Variants in COMMD5 observed in about 807,000 individuals in gnomAD.
The protein encoded by COMMD5 is COMM domain containing 5.
Under a neutral mutation model 6.9 loss-of-function variants are expected in COMMD5, and 10 were observed. The observed-to-expected ratio is 1.44, with a 90% CI of 0.89 to 2.45. The LOEUF (loss-of-function observed/expected upper bound fraction) is 2.45. Ranked by LOEUF, COMMD5 falls within the 30% of genes most tolerant of loss-of-function variation. The pLI is 0.00. For synonymous variants in COMMD5, 127 were observed against 125.3 expected (o/e 1.01, Z -0.09); for missense variants, 234 against 287.8 (o/e 0.81, Z 1.35).
At chr8:144,844,114 C>G (rs916382295) in intron 1 of COMMD5, among the ~76,000 whole-genome samples, 4 of 152,182 alleles carry the variant, frequency 2.6e-5, no homozygotes, top group Non-Finnish European at 5.9e-5. Flanking sequence ...CAGGGGCTTG[C>G]TGTGTGACCT....
At chr8:144,852,742 G>C (rs1007820171) in intron 1 of COMMD5, 97 bp downstream of exon 1, 6 of 152,238 alleles carry the variant, frequency 3.9e-5, no homozygotes, top group African/African-American at 1.4e-4. Flanking sequence ...CTCTGATGGG[G>C]GCGCGGCGTC....
At chr8:144,841,644 G>A in exon 2 of COMMD5, 1 of 1,614,216 alleles carries the variant, frequency 6.2e-7, no homozygotes, top group Non-Finnish European at 8.5e-7. Context: ...GCAGCGGCCT[G>A]GATTGTCAGC....
At chr8:144,853,094 C>A (rs1301385800), upstream of COMMD5, 1 of 152,264 alleles carries the variant, frequency 6.6e-6, no homozygotes, top group Non-Finnish European at 1.5e-5. Context: ...CAGCAATGAC[C>A]GCCCCACTGT....
chr8:144,840,828 C>G (rs377342627), downstream of COMMD5, among the ~76,000 whole-genome samples: 1 of 152,178 alleles, frequency 6.6e-6, no homozygotes, highest in African/African-American at 2.4e-5. Flanking sequence ...GAGAAGCCCA[C>G]CCCAGGGAGT....
intron 1 of COMMD5, chr8:144,843,349 G>T: frequency 2.9e-6 from 2 of 696,586 alleles, no homozygotes; most frequent in South Asian, 2.6e-5. Context: ...CAGCACTTTG[G>T]GAGGCCAAGG....
At chr8:144,842,163 C>G in intron 1 of COMMD5, 2 of 1,613,560 alleles carry the variant, frequency 1.2e-6, no homozygotes, top group South Asian at 2.2e-5. Context: ...TGGTTAGACA[C>G]CAGAGAACTC....
chr8:144,842,463 T>C, intron 1 of COMMD5: 2 of 1,613,982 alleles, frequency 1.2e-6, no homozygotes, highest in Admixed American at 1.7e-5. Context: ...CCTTTGGTTG[T>C]AGTTCACGGC....
chr8:144,845,857 G>A, downstream of COMMD5: 2 of 916,316 alleles, frequency 2.2e-6, no homozygotes, highest in South Asian at 1.6e-5. Flanking sequence ...TGGAGTATGT[G>A]TGCAGTGTCC....
At chr8:144,843,306 C>A in intron 1 of COMMD5, 2 of 1,135,634 alleles carry the variant, frequency 1.8e-6, no homozygotes, top group Non-Finnish European at 2.4e-6. Flanking sequence ...TATCCAACTT[C>A]AGGCCGAGTG....
At chr8:144,849,708 C>T (rs1256725617), downstream of COMMD5, among the ~76,000 whole-genome samples, 1 of 152,130 alleles carries the variant, frequency 6.6e-6, no homozygotes, top group African/African-American at 2.4e-5. Flanking sequence ...CCTGCACACA[C>T]CTGCCCTAGA....
At chr8:144,850,175 A>G (rs1488579846), downstream of COMMD5, 2 of 156,820 alleles carry the variant, frequency 1.3e-5, no homozygotes, top group African/African-American at 4.8e-5. The surrounding 1 kb of genome is among the most constrained non-coding windows in gnomAD (Gnocchi z 4.0). Context: ...CTGATGAGCT[A>G]TTCCAGTTAA....
chr8:144,846,258 G>A, downstream of COMMD5: 3 of 1,340,334 alleles, frequency 2.2e-6, no homozygotes, highest in South Asian at 1.4e-5. Flanking sequence ...TGGGGTGCAA[G>A]CTTCATTCTG....
rs575258616 is a variant in COMMD5, at chr8:144,845,051, C to T, written c.*117-3308G>A. Reference sequence around the variant, plus strand: ...ACAGGGGCAGGGTCAGGGAGGAGAACCCCAATTGCCTTACTTTACAGGGGA... The same window carrying T: ...ACAGGGGCAGGGTCAGGGAGGAGAATCCCAATTGCCTTACTTTACAGGGGA... On this transcript the variant is annotated intron_variant and NMD_transcript_variant, in intron 1 of 1. Coordinates refer to the COMMD5 transcript ENST00000530332. 2.6e-5 allele frequency among the ~76,000 whole-genome samples: 4 copies of T among 152,202 alleles called. No individual in the cohort carries two copies. The South Asian group carries it at 6.2e-4, about 24-fold the overall frequency.
intron 1 of COMMD5, among the ~76,000 whole-genome samples, chr8:144,844,339 T>C (rs1259959105): frequency 6.6e-6 from 1 of 152,080 alleles, no homozygotes; most frequent in Non-Finnish European, 1.5e-5. Context: ...CTGATGACTG[T>C]CTTGTACTGG....
downstream of COMMD5, chr8:144,838,996 G>A (rs934340888): frequency 6.9e-6 from 1 of 144,924 alleles, no homozygotes; most frequent in African/African-American, 2.5e-5. Flanking sequence ...ATTCATATGC[G>A]CCTAGGGGCT....
chr8:144,843,152 A>T, intron 1 of COMMD5: 1 of 1,590,890 alleles, frequency 6.3e-7, no homozygotes, highest in African/African-American at 1.4e-5. Flanking sequence ...CAGCATCAAA[A>T]AATTCACATG....
downstream of COMMD5, among the ~76,000 whole-genome samples, chr8:144,839,859 G>T (rs539238457): frequency 6.6e-6 from 1 of 152,210 alleles, no homozygotes; most frequent in South Asian, 2.1e-4. Context: ...GACCACCACC[G>T]TGCCCCCTGC....
At chr8:144,844,277 C>T (rs970527710) in intron 1 of COMMD5, among the ~76,000 whole-genome samples, 2 of 152,238 alleles carry the variant, frequency 1.3e-5, no homozygotes, top group African/African-American at 4.8e-5. Flanking sequence ...GTACCAACCC[C>T]CCCATCCATG....
In COMMD5 at chr8:144,851,287, G is replaced by C. The variant is rs138785117; in HGVS notation, c.52C>G (p.His18Asp). ...CCCAAGAAACTCACTCGGCCACTGT[G>C]ACTATCACCAGGATGATGCAGGTAT... is the stretch of plus-strand genomic sequence containing the variant. ...TPYLHHPGDS[H>D]SGRVSFLGAQ... Residue 18 changes from histidine to aspartate, a missense_variant, in exon 2 of 2, where the codon CAC becomes GAC. Coordinates refer to ENST00000305103, the MANE Select transcript of COMMD5 (RefSeq NM_014066.4). 1 of 1,613,892 alleles carries C rather than the reference G, an allele frequency of 6.2e-7. No homozygotes were observed. The highest frequency in any genetic ancestry group is 1.3e-5 in the African/African-American group (1 of 74,942).
Sources: allele counts gnomAD v4.1 joint callset (sites outside exome capture counted in the v4.1 genomes callset), GRCh38; gene constraint gnomAD v4.1.1; non-coding constraint Gnocchi (gnomAD v3.1); transcripts MANE v1.5; gene names NCBI Gene and HGNC (gene_info 2026-07-23, HGNC 2026-07-21).